PRKCE: variants seen among roughly 807,000 people sequenced by gnomAD.
PRKCE encodes protein kinase C epsilon type.
In PRKCE, 16 loss-of-function variants were observed where a neutral mutation model predicts 85.4. That is an observed-to-expected ratio of 0.19 (90% CI 0.13 to 0.28). The LOEUF is 0.28. Ranked by LOEUF, PRKCE falls within the 10% of genes least tolerant of loss-of-function variation. The pLI is 1.00. For missense variants in PRKCE, 573 were observed against 975.2 expected, an observed-to-expected ratio of 0.59 and a Z score of 5.49; for synonymous variants, 388 against 371.5, an observed-to-expected ratio of 1.04 and a Z score of -0.51.
chr2:45,729,310 G>T (rs2104531749), intron 1 of PRKCE, among the ~76,000 whole-genome samples: 1 of 152,332 alleles, frequency 6.6e-6, no homozygotes, highest in Admixed American at 6.5e-5. Context: ...GAAAGTAGAT[G>T]AAAGGTGCCA....
intron 1 of PRKCE, among the ~76,000 whole-genome samples, chr2:45,794,499 T>G (rs1024609786): frequency 2.6e-5 from 4 of 152,134 alleles, no homozygotes; most frequent in African/African-American, 9.7e-5. Flanking sequence ...TTCGTTCTCA[T>G]TCCTGCGGTA....
At chr2:46,038,560 C>T (rs1708019190) in intron 10 of PRKCE, among the ~76,000 whole-genome samples, 1 of 151,964 alleles carries the variant, frequency 6.6e-6, no homozygotes, top group South Asian at 2.1e-4. Context: ...CACAAAGGTT[C>T]TCACCTCCCA....
chr2:46,185,255 G>A lies in PRKCE; in HGVS notation c.*374G>A, dbSNP rs144887367. The A allele has an allele frequency of 1.8e-4, 35 of 195,256 alleles. No homozygotes were observed. The highest frequency in any genetic ancestry group is 7.8e-4 in the African/African-American group (33 of 42,356). 12.1% of individuals were successfully genotyped at this position (195,256 alleles called of 1,614,324 possible). A position where few individuals can be genotyped will look rare whatever the true frequency, so the allele number is the denominator to read the frequency against. On this transcript the variant is annotated 3_prime_UTR_variant, in exon 15 of 15. Transcript: ENST00000306156. The surrounding 1 kb of genome is among the most constrained non-coding windows in gnomAD (Gnocchi z 4.7). ...AAAGAAAGCAAACAAGAAGACTCCG[G>A]CTCTGCTATCGGACACAGATCCTGA...
intron 1 of PRKCE, among the ~76,000 whole-genome samples, chr2:45,826,716 C>T (rs1689970209): frequency 1.3e-5 from 2 of 152,202 alleles, no homozygotes; most frequent in Non-Finnish European, 1.5e-5. Flanking sequence ...TTCTGATCAC[C>T]GTCTTCTGTT....
At chr2:46,093,326 G>C (rs1670359909) in intron 11 of PRKCE, among the ~76,000 whole-genome samples, 1 of 151,958 alleles carries the variant, frequency 6.6e-6, no homozygotes, top group Non-Finnish European at 1.5e-5. Flanking sequence ...ATAGTATAAA[G>C]CTTAGATGTT....
At chr2:45,842,489 G>A (rs2105482763) in intron 1 of PRKCE, among the ~76,000 whole-genome samples, 1 of 152,252 alleles carries the variant, frequency 6.6e-6, no homozygotes, top group African/African-American at 2.4e-5. Context: ...AAAGAACATG[G>A]GTTTCTCAAG....
At chr2:46,074,312 C>G (rs896448971) in intron 10 of PRKCE, among the ~76,000 whole-genome samples, 4 of 151,576 alleles carry the variant, frequency 2.6e-5, no homozygotes, top group African/African-American at 9.7e-5. Context: ...TTGTTTTTCC[C>G]TGAATCGGCT....
At chr2:45,723,290 A>T (rs547660793) in intron 1 of PRKCE, among the ~76,000 whole-genome samples, 2 of 152,090 alleles carry the variant, frequency 1.3e-5, no homozygotes, top group African/African-American at 2.4e-5. Context: ...TATGCAAGGG[A>T]GGAGGAGAGG....
chr2:45,829,674 A>G (rs1690239599), intron 1 of PRKCE, among the ~76,000 whole-genome samples: 1 of 152,190 alleles, frequency 6.6e-6, no homozygotes, highest in African/African-American at 2.4e-5. Context: ...CCAGGCTTGG[A>G]CACTGTACTT....
chr2:45,871,351 G>T (rs1278222791), intron 2 of PRKCE, among the ~76,000 whole-genome samples: 2 of 152,170 alleles, frequency 1.3e-5, no homozygotes, highest in African/African-American at 4.8e-5. Context: ...TTCATCCAGA[G>T]GAAGATTTAA....
Position 45,774,572 on chromosome 2 carries a change from G to A in PRKCE, c.349-68428G>A, listed in dbSNP as rs1354898408. 6.6e-6 allele frequency among the ~76,000 whole-genome samples: 1 copy of A among 152,138 alleles called. No individual in the cohort carries two copies. Among genetic ancestry groups the A allele is most frequent in the Admixed American group, 6.5e-5 (1 of 15,280 alleles). On this transcript the variant is annotated intron_variant, in intron 1 of 14. Coordinates refer to ENST00000306156, the MANE Select transcript of PRKCE (RefSeq NM_005400.3). This position sits in a 1 kb window ranked among gnomAD's most constrained non-coding sequence, Gnocchi z 4.3. ...GGGAAAGCTGAATGCCAGGAATCGGGTGGCTTTTGGTGTGACTGTACAGAG... is the reference window on the plus strand; with the variant it reads ...GGGAAAGCTGAATGCCAGGAATCGGATGGCTTTTGGTGTGACTGTACAGAG...
rs1678409244 is a variant in PRKCE at position 46,167,051 on chromosome 2, A to G, written c.2067+7299A>G. 6 of 152,322 alleles carry G rather than the reference A, an allele frequency of 3.9e-5. 1 individual carries two copies. The South Asian group carries it at 1.2e-3, about 32-fold the overall frequency. 9.4% of individuals were successfully genotyped at this position (152,322 alleles called of 1,614,324 possible). A position where few individuals can be genotyped will look rare whatever the true frequency, so the allele number is the denominator to read the frequency against. The stretch of plus-strand genomic sequence containing the variant: ...GCTACTTTGTGCACTGTAGATTCTC[A>G]ATGAATTTTAATTCCTCTCTCTCCA... On this transcript the variant is annotated intron_variant, in intron 14 of 14. Transcript: ENST00000306156.
intron 10 of PRKCE, among the ~76,000 whole-genome samples, chr2:46,061,618 G>A (rs1667132321): frequency 1.3e-5 from 2 of 151,960 alleles, no homozygotes; most frequent in African/African-American, 4.8e-5. Context: ...TATGAAAGAG[G>A]AATCCTCCCT....
intron 1 of PRKCE, among the ~76,000 whole-genome samples, chr2:45,682,663 T>C (rs760424457): frequency 1.3e-5 from 2 of 152,228 alleles, no homozygotes; most frequent in Non-Finnish European, 2.9e-5. Flanking sequence ...CTCCACTCAC[T>C]GTAACCTCCA....
intron 2 of PRKCE, among the ~76,000 whole-genome samples, chr2:45,866,603 T>C (rs1693636150): frequency 2.6e-5 from 4 of 152,226 alleles, no homozygotes; most frequent in Non-Finnish European, 5.9e-5. Context: ...CACCACGCCC[T>C]GCCTGGGATT....
chr2:45,876,612 G>A (rs528513987), intron 2 of PRKCE, among the ~76,000 whole-genome samples: 28 of 152,260 alleles, frequency 1.8e-4, no homozygotes, highest in South Asian at 6.2e-4. Context: ...TATATTTCCC[G>A]TTAATCTTTA....
At chr2:45,782,009 G>A (rs533323271) in intron 1 of PRKCE, among the ~76,000 whole-genome samples, 13 of 152,168 alleles carry the variant, frequency 8.5e-5, no homozygotes, top group African/African-American at 2.4e-4. Flanking sequence ...TTTGAGCCTC[G>A]TTTTTGGTTA....
At chr2:46,183,748 C>G (rs907220838) in intron 14 of PRKCE, among the ~76,000 whole-genome samples, 1 of 152,242 alleles carries the variant, frequency 6.6e-6, no homozygotes, top group Non-Finnish European at 1.5e-5. Context: ...TCTACCAGTA[C>G]AGTTGTCACC....
intron 11 of PRKCE, among the ~76,000 whole-genome samples, chr2:46,130,244 T>A (rs997527904): frequency 6.6e-6 from 1 of 152,140 alleles, no homozygotes; most frequent in Non-Finnish European, 1.5e-5. Context: ...AAACTTTTAT[T>A]AATTTTATGT....
Sources: gnomAD v4.1 joint callset for allele counts (sites outside exome capture counted in the v4.1 genomes callset) on GRCh38, gnomAD v4.1.1 for gene constraint, Gnocchi (gnomAD v3.1) non-coding constraint, MANE v1.5 for transcripts, NCBI Gene and HGNC (gene_info 2026-07-23, HGNC 2026-07-21) for gene names.